The following CDH18 variants were observed in gnomAD, a reference collection of about 807,000 sequenced individuals.
CDH18 encodes the protein cadherin 18.
A neutral mutation model predicts 67.9 loss-of-function variants in CDH18; 31 were observed. The ratio of observed to expected loss-of-function variants is 0.46; its 90% CI spans 0.34 to 0.62. The LOEUF (loss-of-function observed/expected upper bound fraction) is 0.62. Among genes scored for constraint, CDH18 ranks in the 20% least tolerant of loss-of-function variants. CDH18 has a pLI of 0.01. For synonymous variants in CDH18, 362 were observed against 347.2 expected (o/e 1.04, Z -0.48); for missense variants, 890 against 975.5 (o/e 0.91, Z 1.17).
chr5:19,939,012 C>A (rs1316313401), intron 2 of CDH18, among the ~76,000 whole-genome samples: 1 of 150,750 alleles, frequency 6.6e-6, no homozygotes, highest in Non-Finnish European at 1.5e-5. Context: ...AGTTCATAAA[C>A]AAAGAGATGC....
In CDH18 at chr5:19,747,245, T is replaced by C. The variant is rs187591863; in HGVS notation, c.229-9A>G. The C allele has an allele frequency of 1.3e-4, 201 of 1,605,944 alleles. No homozygotes were observed. In the African/African-American group the frequency reaches 2.5e-3, roughly 20 times the overall value. ...TCAGAATTGGAGTGCAGCTGTGAAA[T>C]ACACATGGAATAATTTAGCATATAT... is the stretch of plus-strand genomic sequence containing the variant. On this transcript the variant is annotated splice_polypyrimidine_tract_variant and intron_variant, in intron 3 of 12. Transcript: ENST00000382275.
chr5:20,524,768 T>C lies in CDH18; in HGVS notation c.-580+50694A>G, dbSNP rs939917220. 3.9e-5 allele frequency among the ~76,000 whole-genome samples: 6 copies of C among 152,208 alleles called. No homozygotes were observed. The East Asian group carries it at 1.2e-3, about 29-fold the overall frequency. ...TTTTCCAGGTCCTTTATCAGTGTTCTAGCTATCAAAAACCAAGCCCTGAGG... is the reference window on the plus strand; with the variant it reads ...TTTTCCAGGTCCTTTATCAGTGTTCCAGCTATCAAAAACCAAGCCCTGAGG... On this transcript the variant is annotated intron_variant, in intron 1 of 14. Transcript: ENST00000507958.
At chr5:20,262,019 G>A (rs1177999713) in intron 1 of CDH18, among the ~76,000 whole-genome samples, 1 of 152,150 alleles carries the variant, frequency 6.6e-6, no homozygotes, top group Admixed American at 6.5e-5. Context: ...AATTCAGATT[G>A]TATTGACTGA....
intron 2 of CDH18, among the ~76,000 whole-genome samples, chr5:20,236,245 A>C (rs979373756): frequency 6.6e-6 from 1 of 151,888 alleles, no homozygotes; most frequent in African/African-American, 2.4e-5. Flanking sequence ...AAAAAATAAT[A>C]AATAAATATA....
chr5:20,365,886 C>T (rs1742474768), intron 1 of CDH18, among the ~76,000 whole-genome samples: 1 of 152,126 alleles, frequency 6.6e-6, no homozygotes, highest in Non-Finnish European at 1.5e-5. Flanking sequence ...CATCATTTTG[C>T]TACTTCTATA....
At chr5:20,171,877 G>T (rs1736744144) in intron 2 of CDH18, among the ~76,000 whole-genome samples, 2 of 151,184 alleles carry the variant, frequency 1.3e-5, no homozygotes, top group South Asian at 4.2e-4. Context: ...AAATTGTTAA[G>T]TCTTCAGTTG....
chr5:19,494,574 T>C (rs1374779288), intron 11 of CDH18, among the ~76,000 whole-genome samples: 1 of 152,210 alleles, frequency 6.6e-6, no homozygotes, highest in East Asian at 1.9e-4. Flanking sequence ...TTTTTAAATT[T>C]TCATGTTAGC....
At chr5:20,145,395 C>T (rs1750564635) in intron 2 of CDH18, among the ~76,000 whole-genome samples, 1 of 152,136 alleles carries the variant, frequency 6.6e-6, no homozygotes, top group South Asian at 2.1e-4. Context: ...TAAACTTCCT[C>T]ATTTTTCAAT....
At chr5:20,379,891 A>T (rs1743775585) in intron 1 of CDH18, among the ~76,000 whole-genome samples, 1 of 152,076 alleles carries the variant, frequency 6.6e-6, no homozygotes, top group Non-Finnish European at 1.5e-5. Flanking sequence ...TTGTGACCCC[A>T]ATCACTGAAG....
chr5:19,760,283 G>A (rs546399181), intron 3 of CDH18, among the ~76,000 whole-genome samples: 16 of 152,192 alleles, frequency 1.1e-4, no homozygotes, highest in African/African-American at 1.4e-4. Flanking sequence ...AGGTGCTGCC[G>A]TCAAAAATCT....
intron 2 of CDH18, among the ~76,000 whole-genome samples, chr5:19,944,285 A>C (rs1327136953): frequency 6.6e-6 from 1 of 152,140 alleles, no homozygotes. Flanking sequence ...CCAGAAATAG[A>C]AACAGCTAAA....
intron 2 of CDH18, among the ~76,000 whole-genome samples, chr5:20,238,424 C>T (rs767929619): frequency 6.6e-6 from 1 of 151,888 alleles, no homozygotes; most frequent in Non-Finnish European, 1.5e-5. Flanking sequence ...TTTGAACAGC[C>T]ATTTTTCCAA....
intron 6 of CDH18, among the ~76,000 whole-genome samples, chr5:19,593,998 A>ACC (rs1745758499): frequency 1.3e-5 from 2 of 151,552 alleles, no homozygotes; most frequent in African/African-American, 4.9e-5. Flanking sequence ...ATAAAGCTTT[A>ACC]CCCCTATTTT....
At chr5:19,684,424 A>T (rs1760776978) in intron 5 of CDH18, among the ~76,000 whole-genome samples, 1 of 151,294 alleles carries the variant, frequency 6.6e-6, no homozygotes, top group Non-Finnish European at 1.5e-5. Flanking sequence ...GGAAAAAGAA[A>T]ATGTCACTAA....
At position 20,279,699 on chromosome 5, in the gene CDH18, C is replaced by CAAAAAAAAAAAAAAAAAAAAA. The variant is rs1189257278; in HGVS notation, c.-579-24215_-579-24195dup. On this transcript the variant is annotated intron_variant, in intron 1 of 14. Transcript: ENST00000507958. The stretch of plus-strand genomic sequence containing the variant: ...GGGTGACAAAAGAGAAGCTCTGTCT[C>CAAAAAAAAAAAAAAAAAAAAA]AAAAAAAAAAAAAAAAAAAAAAAAA... Among the ~76,000 whole-genome samples, 8 of 13,594 alleles carry CAAAAAAAAAAAAAAAAAAAAA rather than the reference C, an allele frequency of 5.9e-4. 2 individuals are homozygous for CAAAAAAAAAAAAAAAAAAAAA. Among genetic ancestry groups the CAAAAAAAAAAAAAAAAAAAAA allele is most frequent in the African/African-American group, 1.1e-3 (4 of 3,774 alleles). 8.9% of individuals were successfully genotyped at this position (13,594 alleles called of 152,430 possible).
intron 2 of CDH18, among the ~76,000 whole-genome samples, chr5:20,214,136 G>A (rs1276690226): frequency 6.6e-6 from 1 of 151,718 alleles, no homozygotes; most frequent in Non-Finnish European, 1.5e-5. Context: ...TATCAAGAAA[G>A]GTGAAAGATC....
chr5:19,653,368 T>C (rs1007956334), intron 5 of CDH18, among the ~76,000 whole-genome samples: 1 of 151,838 alleles, frequency 6.6e-6, no homozygotes, highest in Admixed American at 6.6e-5. Context: ...AAGGGGAGGA[T>C]TTGCTAAAAG....
intron 2 of CDH18, among the ~76,000 whole-genome samples, chr5:20,179,231 G>T (rs1355051119): frequency 6.6e-6 from 1 of 152,094 alleles, no homozygotes; most frequent in Non-Finnish European, 1.5e-5. Context: ...ATGAATTTTT[G>T]CTGGTTCTAA....
intron 2 of CDH18, among the ~76,000 whole-genome samples, chr5:20,194,177 G>GTC (rs1228761496): frequency 6.6e-6 from 1 of 152,058 alleles, no homozygotes; most frequent in African/African-American, 2.4e-5. Flanking sequence ...AAGTCAAGCT[G>GTC]TCTCTTTTTA....
Sources: allele counts gnomAD v4.1 joint callset (sites outside exome capture counted in the v4.1 genomes callset), GRCh38; gene constraint gnomAD v4.1.1; transcripts MANE v1.5; gene names NCBI Gene and HGNC (gene_info 2026-07-23, HGNC 2026-07-21).